SEMA4B: variants seen among roughly 807,000 people sequenced by gnomAD.
SEMA4B encodes semaphorin 4B, also known as semaphorin-4B.
In SEMA4B, 55 loss-of-function variants were observed where a neutral mutation model predicts 88.1. That is an observed-to-expected ratio of 0.62 (90% CI 0.50 to 0.78). The LOEUF (loss-of-function observed/expected upper bound fraction) is 0.78, where lower values mean the gene tolerates loss of function less well. SEMA4B is among the 30% of genes least tolerant of loss of function. The pLI, the probability that SEMA4B is intolerant of heterozygous loss-of-function variation, is 0.00. For missense variants in SEMA4B, 1,062 were observed against 1,111.9 expected, an observed-to-expected ratio of 0.96 and a Z score of 0.64; for synonymous variants, 525 against 473.6, an observed-to-expected ratio of 1.11 and a Z score of -1.41.
intron 1 of SEMA4B, among the ~76,000 whole-genome samples, chr15:90,194,541 A>G (rs1481113697): frequency 6.6e-6 from 1 of 152,114 alleles, no homozygotes; most frequent in East Asian, 1.9e-4. Context: ...TCAAAAAAAA[A>G]ACAAAAAACA....
At position 90,228,259 on chromosome 15, in the gene SEMA4B, A is replaced by G. The variant is rs754110993; in HGVS notation, c.2130A>G (p.Ala710=). ...APAGGKASWG[A]DRSYWKEFLV... is the part of the protein sequence containing the mutation. The stretch of plus-strand genomic sequence containing the variant: ...CTGGTGGCAAGGCCAGCTGGGGTGC[A>G]GACAGGTCCTACTGGAAGGAGTTCC... Residue 710 remains alanine (A), a synonymous_variant, in exon 14 of 14, where the codon GCA becomes GCG. Coordinates refer to ENST00000411539, the MANE Select transcript of SEMA4B (RefSeq NM_198925.4). 1.1e-5 allele frequency: 17 copies of G among 1,594,498 alleles called. No individual in the cohort carries two copies. Among genetic ancestry groups the G allele is most frequent in the Non-Finnish European group, 1.4e-5 (16 of 1,169,526 alleles).
chr15:90,186,657 G>A (rs1960174744), intron 1 of SEMA4B, among the ~76,000 whole-genome samples: 1 of 151,746 alleles, frequency 6.6e-6, no homozygotes, highest in African/African-American at 2.4e-5. Flanking sequence ...AAAAATAAAG[G>A]CCAGGCACGG....
At position 90,205,315 on chromosome 15, in the gene SEMA4B, C is replaced by G. The variant is rs1329099114; in HGVS notation, c.157+3580C>G. 5.3e-5 allele frequency among the ~76,000 whole-genome samples: 8 copies of G among 152,336 alleles called. No homozygotes were observed. In the East Asian group the frequency reaches 1.5e-3, roughly 29 times the overall value. On this transcript the variant is annotated intron_variant, in intron 1 of 13. Coordinates refer to ENST00000411539, the MANE Select transcript of SEMA4B (RefSeq NM_198925.4). ...GCCCTGATGCTGGTCGCTTGTTGAGCCCTCAGCCCGGTTACTGGCTTCCCT... is the reference window on the plus strand; with the variant it reads ...GCCCTGATGCTGGTCGCTTGTTGAGGCCTCAGCCCGGTTACTGGCTTCCCT...
intron 3 of SEMA4B, chr15:90,219,064 G>A (rs1296841445): frequency 6.6e-6 from 1 of 152,360 alleles, no homozygotes; most frequent in East Asian, 1.9e-4. Flanking sequence ...GGTCACTCTG[G>A]CTACTGTGGT....
At chr15:90,220,863 G>T in intron 4 of SEMA4B, 119 bp from the exon 5 acceptor site, 1 of 681,882 alleles carries the variant, frequency 1.5e-6, no homozygotes, top group East Asian at 2.8e-5. Context: ...GACCCCTTCT[G>T]TCCCACACAC....
chr15:90,222,628 G>C (rs1470516854), intron 7 of SEMA4B, among the ~76,000 whole-genome samples: 1 of 152,028 alleles, frequency 6.6e-6, no homozygotes, highest in South Asian at 2.1e-4. Context: ...AGTTAAAGAG[G>C]CACTGTAGCA....
chr15:90,187,587 G>A (rs1382781655), intron 1 of SEMA4B, among the ~76,000 whole-genome samples: 1 of 152,206 alleles, frequency 6.6e-6, no homozygotes, highest in African/African-American at 2.4e-5. Context: ...GGAACTCGCA[G>A]GAGCAACTCT....
chr15:90,225,501 G>T, intron 11 of SEMA4B, 104 bp downstream of exon 11: 1 of 1,313,664 alleles, frequency 7.6e-7, no homozygotes, highest in Non-Finnish European at 1.1e-6. Flanking sequence ...CAGGAGGATG[G>T]AAAGATAAAG....
chr15:90,228,228 C>T lies in SEMA4B; in HGVS notation c.2099C>T (p.Ala700Val), dbSNP rs954166671. The T allele has an allele frequency of 8.1e-6, 13 of 1,604,690 alleles. No homozygotes were observed. Among genetic ancestry groups the T allele is most frequent in the Non-Finnish European group, 8.5e-6 (10 of 1,175,174 alleles). ...ATTATCAGCACATCGCGTGTGAGTG[C>T]ACCAGCTGGTGGCAAGGCCAGCTGG... ...PVIISTSRVS[A>V]PAGGKASWGA... Residue 700 changes from alanine (A) to valine (V), a missense_variant, in exon 14 of 14, where the codon GCA (alanine) becomes GTA (valine). Transcript: ENST00000411539.
intron 1 of SEMA4B, among the ~76,000 whole-genome samples, chr15:90,187,468 G>C (rs1960198819): frequency 6.6e-6 from 1 of 152,226 alleles, no homozygotes; most frequent in African/African-American, 2.4e-5. Flanking sequence ...CCTTGTCCCT[G>C]CATTCAAGGA....
At chr15:90,184,930 A>C, upstream of SEMA4B, 1 of 985,594 alleles carries the variant, frequency 1.0e-6, no homozygotes, top group South Asian at 4.7e-5. Context: ...ATTTCCGGGG[A>C]CGCCGCGCCG....
intron 1 of SEMA4B, among the ~76,000 whole-genome samples, chr15:90,215,347 T>C (rs1359267311): frequency 2.0e-4 from 30 of 152,066 alleles, no homozygotes; most frequent in Non-Finnish European, 2.1e-4. Flanking sequence ...AGGGAGCCCA[T>C]GTTTTAGTGT....
rs529488977 is a variant in SEMA4B, at chr15:90,212,396, G to A, written c.158-5043G>A. Among the ~76,000 whole-genome samples the A allele has an allele frequency of 4.6e-5, 7 of 152,268 alleles. No homozygotes were observed. The East Asian group carries it at 1.4e-3, about 29-fold the overall frequency. ...TGGGAAAACCGGCCGCAGCCTCGGCGTGCCCTGCTTTCTTCATACTGGACT... is the reference window on the plus strand; with the variant it reads ...TGGGAAAACCGGCCGCAGCCTCGGCATGCCCTGCTTTCTTCATACTGGACT... On this transcript the variant is annotated intron_variant, in intron 1 of 13. Coordinates refer to ENST00000411539, the MANE Select transcript of SEMA4B (RefSeq NM_198925.4). The surrounding 1 kb of genome is among the most constrained non-coding windows in gnomAD (Gnocchi z 4.0).
chr15:90,223,339 G>A lies in SEMA4B; in HGVS notation c.862-220G>A, dbSNP rs150411021. ...TTCCTTGTTTGCTCAGCAGTGAATC[G>A]CGTCCATATTTAGGAAGGCTCTGCT... On this transcript the variant is annotated intron_variant, in intron 7 of 13. Transcript: ENST00000411539. Among the ~76,000 whole-genome samples the A allele has an allele frequency of 4.1e-3, 628 of 152,210 alleles. 2 individuals carry two copies. Among genetic ancestry groups the A allele is most frequent in the African/African-American group, 0.014 (594 of 41,524 alleles).
intron 3 of SEMA4B, among the ~76,000 whole-genome samples, chr15:90,218,093 T>C (rs1466775747): frequency 6.6e-6 from 1 of 151,992 alleles, no homozygotes; most frequent in African/African-American, 2.4e-5. Context: ...GGGCTTACAG[T>C]GAGGATTCAG....
In SEMA4B at chr15:90,225,002, A is replaced by C. The variant is rs751505975; in HGVS notation, c.1229A>C (p.Asn410Thr). The change falls in exon 10 of 14, where the codon AAC becomes ACC. Residue 410 changes from asparagine (N) to threonine (T), a missense_variant. Physicochemically the swap from Asn to Thr is moderately conservative, Grantham distance 65. Coordinates refer to ENST00000411539, the MANE Select transcript of SEMA4B (RefSeq NM_198925.4). ...AACAGTGCCCGGGAAAGGAAGATCAACTCATCCCTGCAGCTCCCAGACCGC... is the reference window on the plus strand; with the variant it reads ...AACAGTGCCCGGGAAAGGAAGATCACCTCATCCCTGCAGCTCCCAGACCGC... ...ITNSARERKI[N>T]SSLQLPDRVL... 6.2e-7 allele frequency: 1 copy of C among 1,613,832 alleles called. No homozygotes were observed. The highest frequency in any genetic ancestry group is 8.5e-7 in the Non-Finnish European group (1 of 1,179,848).
chr15:90,202,425 T>C (rs1331161385), intron 1 of SEMA4B, among the ~76,000 whole-genome samples: 2 of 152,246 alleles, frequency 1.3e-5, no homozygotes, highest in Non-Finnish European at 2.9e-5. Context: ...AGTAGCATCC[T>C]GGTTGGCTGG....
At chr15:90,224,269 C>A (rs983050927) in intron 9 of SEMA4B, among the ~76,000 whole-genome samples, 1 of 152,210 alleles carries the variant, frequency 6.6e-6, no homozygotes, top group Non-Finnish European at 1.5e-5. Flanking sequence ...TGGTCCTCTC[C>A]CCTACTCAGC....
intron 1 of SEMA4B, among the ~76,000 whole-genome samples, chr15:90,187,474 A>G (rs1314506859): frequency 1.3e-5 from 2 of 152,212 alleles, no homozygotes; most frequent in Non-Finnish European, 2.9e-5. Context: ...CCCTGCATTC[A>G]AGGAGCTTGT....
Sources: allele counts gnomAD v4.1 joint callset (sites outside exome capture counted in the v4.1 genomes callset), GRCh38; gene constraint gnomAD v4.1.1; non-coding constraint Gnocchi (gnomAD v3.1); transcripts MANE v1.5; gene names NCBI Gene and HGNC (gene_info 2026-07-23, HGNC 2026-07-21).